SEMA3A: variants seen among roughly 807,000 people sequenced by gnomAD.
SEMA3A encodes the protein semaphorin-3A.
Under a neutral mutation model 97.9 loss-of-function variants are expected in SEMA3A, and 29 were observed. The observed-to-expected ratio is 0.30, with a 90% CI of 0.22 to 0.40. The LOEUF is 0.40. Ranked by LOEUF, SEMA3A falls within the 10% of genes least tolerant of loss-of-function variation. The pLI is 1.00. For synonymous variants in SEMA3A, 321 were observed against 323.7 expected (o/e 0.99, Z 0.09); for missense variants, 763 against 951.3 (o/e 0.80, Z 2.60).
In SEMA3A at chr7:83,977,153, G is replaced by T; in HGVS notation, c.1696C>A (p.His566Asn). 1 of 1,588,286 alleles carries T rather than the reference G, an allele frequency of 6.3e-7. No homozygotes were observed. Among genetic ancestry groups the T allele is most frequent in the Non-Finnish European group, 8.6e-7 (1 of 1,165,426 alleles). Residue 566 changes from histidine (H) to asparagine (N), a missense_variant, in exon 15 of 17, where the codon CAC becomes AAC. Around this residue, in one of 2 missense-constraint regions of SEMA3A, gnomAD observed 678 missense variants for 881.3 expected, o/e 0.77. Transcript: ENST00000265362. ...TTACCATGGTGTAAGTCTGAACAGT[G>T]AGTCAGTGGGTCTCCATTTCTTATA... is the stretch of plus-strand genomic sequence containing the variant. ...QDIRNGDPLTHCSDLHHDNHH... is the reference protein window; with the variant it reads ...QDIRNGDPLTNCSDLHHDNHH...
In SEMA3A at chr7:84,477,062, TA is replaced by T. The variant is rs1423521163; in HGVS notation, c.-246+15397del. Among the ~76,000 whole-genome samples, 1,239 of 127,388 alleles carry T rather than the reference TA, an allele frequency of 9.7e-3. 15 individuals carry two copies. The highest frequency in any genetic ancestry group is 0.031 in the African/African-American group (1,046 of 33,756). The allele number at this position is 127,388 out of a possible 152,430, so 83.6% of individuals were successfully genotyped here. ...GGTAGAGTATATGCCATGTGTTTGT[TA>T]AAAAAAAAAAATATATATATATATA... On this transcript the variant is annotated intron_variant, in intron 1 of 3. Coordinates refer to the SEMA3A transcript ENST00000424555.
At chr7:84,420,720 G>A (rs1804566650) in intron 1 of SEMA3A, among the ~76,000 whole-genome samples, 1 of 152,044 alleles carries the variant, frequency 6.6e-6, no homozygotes, top group African/African-American at 2.4e-5. Flanking sequence ...AGTCTTGGGA[G>A]GGTGTATGTG....
chr7:84,123,364 C>G (rs1057042044), intron 3 of SEMA3A, among the ~76,000 whole-genome samples: 3 of 151,748 alleles, frequency 2.0e-5, no homozygotes, highest in Non-Finnish European at 2.9e-5. Context: ...GTATTATATA[C>G]TGCATTATAT....
intron 12 of SEMA3A, among the ~76,000 whole-genome samples, chr7:83,996,258 A>G (rs1790212719): frequency 6.6e-6 from 1 of 150,546 alleles, no homozygotes; most frequent in Non-Finnish European, 1.5e-5. Flanking sequence ...AGAGATTTTC[A>G]TTTGTATAAC....
chr7:84,316,978 T>A (rs940382156), intron 2 of SEMA3A, among the ~76,000 whole-genome samples: 3 of 152,162 alleles, frequency 2.0e-5, no homozygotes, highest in African/African-American at 7.2e-5. Context: ...AAAAACATTT[T>A]TTTTTTCGCA....
intron 1 of SEMA3A, among the ~76,000 whole-genome samples, chr7:84,373,969 G>T (rs1459270398): frequency 6.6e-6 from 1 of 152,118 alleles, no homozygotes; most frequent in Non-Finnish European, 1.5e-5. Flanking sequence ...AAGAAGATTA[G>T]CAAGGAAGTC....
At chr7:84,190,360 T>G (rs2116264990) in intron 1 of SEMA3A, among the ~76,000 whole-genome samples, 1 of 151,886 alleles carries the variant, frequency 6.6e-6, no homozygotes, top group Non-Finnish European at 1.5e-5. Context: ...TCAGTGTGTT[T>G]AAATTCAAGA....
chr7:83,992,278 T>A (rs1383164722), intron 12 of SEMA3A, among the ~76,000 whole-genome samples: 1 of 149,442 alleles, frequency 6.7e-6, no homozygotes, highest in Non-Finnish European at 1.5e-5. Context: ...AGCTCCTGGA[T>A]TCATTCATTT....
chr7:84,064,659 A>G (rs1380983010), intron 4 of SEMA3A, among the ~76,000 whole-genome samples: 11 of 151,332 alleles, frequency 7.3e-5, no homozygotes, highest in Admixed American at 6.6e-4. Flanking sequence ...AACAAAGATC[A>G]AAAGAGACAA....
chr7:84,422,141 G>T (rs1157391798), intron 1 of SEMA3A, among the ~76,000 whole-genome samples: 1 of 151,930 alleles, frequency 6.6e-6, no homozygotes, highest in African/African-American at 2.4e-5. Flanking sequence ...GAATCCGTCT[G>T]GTCCTGGGCT....
At chr7:84,019,230 C>T (rs1329635798) in intron 6 of SEMA3A, among the ~76,000 whole-genome samples, 8 of 151,964 alleles carry the variant, frequency 5.3e-5, no homozygotes, top group Non-Finnish European at 7.4e-5. Flanking sequence ...AACATTTGAG[C>T]GATGGAAGGA....
At chr7:83,982,572 T>TA (rs1352019874) in intron 13 of SEMA3A, among the ~76,000 whole-genome samples, 1 of 152,190 alleles carries the variant, frequency 6.6e-6, no homozygotes, top group African/African-American at 2.4e-5. Context: ...AAGCCTTAAG[T>TA]AAAACTTACA....
chr7:84,288,340 T>A (rs1003030851), intron 3 of SEMA3A, among the ~76,000 whole-genome samples: 24 of 152,166 alleles, frequency 1.6e-4, no homozygotes, highest in Non-Finnish European at 1.5e-4. Context: ...CACAAATAAG[T>A]GACACCCATA....
At chr7:84,239,675 T>C (rs1480148615) in intron 3 of SEMA3A, among the ~76,000 whole-genome samples, 1 of 152,160 alleles carries the variant, frequency 6.6e-6, no homozygotes, top group African/African-American at 2.4e-5. Context: ...TTTTCTAACA[T>C]ATTTTTAAGA....
intron 2 of SEMA3A, among the ~76,000 whole-genome samples, chr7:84,310,125 A>C (rs1801276634): frequency 6.6e-6 from 1 of 152,136 alleles, no homozygotes; most frequent in Non-Finnish European, 1.5e-5. Flanking sequence ...AGGTATCTCT[A>C]TTCCACATTG....
In SEMA3A at chr7:83,996,199, T is replaced by G. The variant is rs76148455; in HGVS notation, c.1452+5756A>C. Among the ~76,000 whole-genome samples the G allele has an allele frequency of 8.5e-4, 130 of 152,240 alleles. 3 individuals are homozygous for G. The East Asian group carries it at 0.015, about 18-fold the overall frequency. Reference sequence around the variant, plus strand: ...AAGTTAGGCTTTTATATCTTCTGAGTATTTTTATAAAACAAGGTACATGTA... The same window carrying G: ...AAGTTAGGCTTTTATATCTTCTGAGGATTTTTATAAAACAAGGTACATGTA... On this transcript the variant is annotated intron_variant, in intron 12 of 16. Coordinates refer to ENST00000265362, the MANE Select transcript of SEMA3A (RefSeq NM_006080.3).
intron 4 of SEMA3A, among the ~76,000 whole-genome samples, chr7:84,100,849 AT>A (rs1794940899): frequency 6.6e-6 from 1 of 152,160 alleles, no homozygotes; most frequent in African/African-American, 2.4e-5. Flanking sequence ...TTAAGCCTCC[AT>A]TATTTTCTAG....
At chr7:84,053,871 T>G (rs1014827817) in intron 5 of SEMA3A, among the ~76,000 whole-genome samples, 5 of 120,696 alleles carry the variant, frequency 4.1e-5, no homozygotes, top group African/African-American at 1.3e-4. Flanking sequence ...TTTCCATGTT[T>G]AGCGCTTCCT....
At chr7:84,092,701 G>C (rs945407810) in intron 4 of SEMA3A, among the ~76,000 whole-genome samples, 1 of 151,980 alleles carries the variant, frequency 6.6e-6, no homozygotes, top group Non-Finnish European at 1.5e-5. Context: ...AGCCAGATTG[G>C]TTTTACCAAA....
Sources: gnomAD v4.1 joint callset for allele counts (sites outside exome capture counted in the v4.1 genomes callset) on GRCh38, gnomAD v4.1.1 for gene constraint, gnomAD v4.1.1 regional missense constraint, MANE v1.5 for transcripts, NCBI Gene and HGNC (gene_info 2026-07-23, HGNC 2026-07-21) for gene names.